Variants in RYR3 observed in about 807,000 individuals in gnomAD.
RYR3 encodes the protein brain ryanodine receptor-calcium release channel.
Under a neutral mutation model 584.3 loss-of-function variants are expected in RYR3, and 207 were observed. That is an observed-to-expected ratio of 0.35 (90% CI 0.32 to 0.40). RYR3 has a LOEUF of 0.40. Ranked by LOEUF, RYR3 falls within the 10% of genes least tolerant of loss-of-function variation. The pLI is 1.00. For missense variants in RYR3, 5,616 were observed against 6,089.2 expected (o/e 0.92, Z 2.59); for synonymous variants, 2,416 against 2,248.5 (o/e 1.07, Z -2.11).
intron 10 of RYR3, among the ~76,000 whole-genome samples, chr15:33,559,634 C>T (rs1182206833): frequency 6.6e-6 from 1 of 152,118 alleles, no homozygotes; most frequent in Non-Finnish European, 1.5e-5. Flanking sequence ...TAGTACCTGG[C>T]CTTGGGAAGG....
chr15:33,865,045 A>G, intron 103 of RYR3, 86 bp from the exon 104 acceptor site: 2 of 964,518 alleles, frequency 2.1e-6, no homozygotes, highest in Non-Finnish European at 3.3e-6. Flanking sequence ...AGTCTTCCTA[A>G]AGGGAGCCAC....
chr15:33,528,481 C>A (rs993334947), intron 3 of RYR3, among the ~76,000 whole-genome samples: 1 of 152,156 alleles, frequency 6.6e-6, no homozygotes, highest in Non-Finnish European at 1.5e-5. Flanking sequence ...CCTCTTTATC[C>A]TCCTAGTCTA....
At chr15:33,574,624 A>T (rs1280617439) in intron 12 of RYR3, among the ~76,000 whole-genome samples, 1 of 152,176 alleles carries the variant, frequency 6.6e-6, no homozygotes, top group Admixed American at 6.5e-5. Flanking sequence ...TTTTAATACA[A>T]AATTGGAATG....
At chr15:33,564,281 C>T (rs971504900) in intron 11 of RYR3, among the ~76,000 whole-genome samples, 2 of 152,100 alleles carry the variant, frequency 1.3e-5, no homozygotes, top group South Asian at 2.1e-4. Context: ...CTAAGCTGAC[C>T]GTGGATGGGG....
intron 27 of RYR3, among the ~76,000 whole-genome samples, chr15:33,637,097 GA>G (rs2061537880): frequency 6.6e-6 from 1 of 152,162 alleles, no homozygotes; most frequent in Non-Finnish European, 1.5e-5. Context: ...TAATGTCCAT[GA>G]ATAGACCACA....
Position 33,662,519 on chromosome 15 carries a change from C to A in RYR3, c.4989C>A (p.Pro1663=), listed in dbSNP as rs768997188. ...PGVGLRTCLK[P]GFRFSTPCFV... ...TGGGCCTGAGAACATGTCTCAAGCC[C>A]GGGTTCAGGTTCTCCACCCCTTGCT... Residue 1663 remains proline, a synonymous_variant, in exon 35 of 104, where the codon CCC becomes CCA. Transcript: ENST00000634891. The A allele has an allele frequency of 6.2e-7, 1 of 1,614,000 alleles. No homozygotes were observed. Among genetic ancestry groups the A allele is most frequent in the South Asian group, 1.1e-5 (1 of 91,082 alleles).
chr15:33,859,451 G>C (rs2080101499), intron 99 of RYR3, 124 bp from the exon 100 acceptor site: 1 of 998,430 alleles, frequency 1.0e-6, no homozygotes, highest in Non-Finnish European at 1.5e-6. Context: ...TGGCACCTCT[G>C]AAGAGTTCCC....
chr15:33,633,924 C>T (rs2061382354), intron 24 of RYR3, among the ~76,000 whole-genome samples: 1 of 152,242 alleles, frequency 6.6e-6, no homozygotes, highest in African/African-American at 2.4e-5. Context: ...TAAATCATGA[C>T]ATGATCTTCC....
At chr15:33,812,795 C>A in intron 72 of RYR3, 68 bp from the exon 73 acceptor site, 1 of 1,539,246 alleles carries the variant, frequency 6.5e-7, no homozygotes, top group Non-Finnish European at 8.8e-7. Flanking sequence ...CATGGTAGGA[C>A]CAAAAGGCTT....
At chr15:33,663,214 TC>T (rs1395884761) in intron 35 of RYR3, among the ~76,000 whole-genome samples, 16 of 152,312 alleles carry the variant, frequency 1.1e-4, no homozygotes, top group South Asian at 2.1e-4. Context: ...ATCTCTACTT[TC>T]CATCCTCCAG....
chr15:33,486,213 T>C (rs146186741), intron 2 of RYR3, among the ~76,000 whole-genome samples: 11 of 152,286 alleles, frequency 7.2e-5, no homozygotes, highest in African/African-American at 2.6e-4. Flanking sequence ...AACAACAAAT[T>C]ATTCTCTTGC....
In RYR3 at chr15:33,821,331, C is replaced by G; in HGVS notation, c.10877C>G (p.Ala3626Gly). The G allele has an allele frequency of 6.2e-7, 1 of 1,605,036 alleles. No individual in the cohort carries two copies. The highest frequency in any genetic ancestry group is 8.5e-7 in the Non-Finnish European group (1 of 1,175,850). ...CAAGCTCGGCTGCATGAGCGTGGTG[C>G]TGCAGAGATGGTCCTTCAGATGATA... Reference protein sequence around the residue: ...YQQARLHERGAAEMVLQMISA... With the variant: ...YQQARLHERGGAEMVLQMISA... The change falls in exon 79 of 104, where the codon GCT becomes GGT. Residue 3626 changes from alanine to glycine, a missense_variant. Coordinates refer to ENST00000634891, the MANE Select transcript of RYR3 (RefSeq NM_001036.6).
chr15:33,511,531 A>G (rs901005861), intron 3 of RYR3, among the ~76,000 whole-genome samples: 6 of 151,670 alleles, frequency 4.0e-5, no homozygotes, highest in Non-Finnish European at 8.8e-5. Flanking sequence ...ACTGACTTCA[A>G]GCTGTATTTG....
chr15:33,641,691 T>C (rs1025483132), intron 27 of RYR3, among the ~76,000 whole-genome samples: 1 of 152,214 alleles, frequency 6.6e-6, no homozygotes, highest in African/African-American at 2.4e-5. Context: ...GTTCTGCTGC[T>C]GTTTTCCAGA....
At chr15:33,766,288 GAAAA>G (rs66478931) in intron 60 of RYR3, among the ~76,000 whole-genome samples, 4 of 134,064 alleles carry the variant, frequency 3.0e-5, no homozygotes, top group Admixed American at 7.7e-5. Context: ...ACCTCAAAAA[GAAAA>G]AAAAAAAAAG....
rs1202972067 is a variant in RYR3 at position 33,785,984 on chromosome 15, T to C, written c.9589+2T>C. The C allele has an allele frequency of 6.5e-7, 1 of 1,549,504 alleles. No individual in the cohort carries two copies. ...CCTCCTGGATGAAGCGCATTGCAGG[T>C]ACCGACCCCTTTCTCCCCAGTCCCC... On this transcript the variant is annotated splice_donor_variant, in intron 66 of 103. Transcript: ENST00000634891. LOFTEE classifies it high-confidence loss of function.
At chr15:33,488,712 C>T (rs545560269) in intron 2 of RYR3, among the ~76,000 whole-genome samples, 12 of 152,156 alleles carry the variant, frequency 7.9e-5, no homozygotes, top group Middle Eastern at 3.4e-3. Flanking sequence ...ATTAGCCAGG[C>T]ATGGTGACAC....
intron 1 of RYR3, among the ~76,000 whole-genome samples, chr15:33,312,673 C>T (rs1202821851): frequency 6.6e-6 from 1 of 151,632 alleles, no homozygotes; most frequent in Non-Finnish European, 1.5e-5. Flanking sequence ...ATTTCTTCTC[C>T]TTATTATTAA....
intron 1 of RYR3, among the ~76,000 whole-genome samples, chr15:33,387,455 A>T (rs1021209964): frequency 4.6e-5 from 7 of 152,174 alleles, no homozygotes; most frequent in African/African-American, 1.7e-4. Context: ...GCAACAGGGC[A>T]CAGGGGTTCC....
Sources: allele counts gnomAD v4.1 joint callset (sites outside exome capture counted in the v4.1 genomes callset), GRCh38; gene constraint gnomAD v4.1.1; transcripts MANE v1.5; gene names NCBI Gene and HGNC (gene_info 2026-07-23, HGNC 2026-07-21).